Variants in RIC8B observed in about 807,000 individuals in gnomAD.
RIC8B encodes the protein RIC8 guanine nucleotide exchange factor B.
RIC8B carries 16 observed loss-of-function variants against 57.5 expected under a neutral mutation model. The observed-to-expected ratio is 0.28, with a 90% CI of 0.19 to 0.42. RIC8B has a LOEUF of 0.42. Among genes scored for constraint, RIC8B ranks in the 10% least tolerant of loss-of-function variants. RIC8B has a pLI of 1.00. For synonymous variants in RIC8B, 216 were observed against 250.8 expected, an observed-to-expected ratio of 0.86 and a Z score of 1.31; for missense variants, 481 against 677.0, an observed-to-expected ratio of 0.71 and a Z score of 3.21.
chr12:106,798,205 CG>C (rs1267879313), intron 2 of RIC8B: 6 of 491,428 alleles, frequency 1.2e-5, no homozygotes, highest in African/African-American at 1.2e-4. Flanking sequence ...TTCCTTTTCT[CG>C]GTAGCTGGCT....
intron 8 of RIC8B, among the ~76,000 whole-genome samples, chr12:106,863,080 C>A (rs1950005717): frequency 6.6e-6 from 1 of 152,060 alleles, no homozygotes; most frequent in Non-Finnish European, 1.5e-5. Context: ...GAATGGAGGT[C>A]CCTTGACTGT....
chr12:106,826,758 AAATTAATT>A lies in RIC8B; in HGVS notation c.836+947_836+954del, dbSNP rs72237391. Among the ~76,000 whole-genome samples, 23 of 152,182 alleles carry A rather than the reference AAATTAATT, an allele frequency of 1.5e-4. No individual in the cohort carries two copies. In the East Asian group the frequency reaches 4.3e-3, roughly 28 times the overall value. The stretch of plus-strand genomic sequence containing the variant: ...CAACAGAGTGAGACTCCATCTCAAA[AAATTAATT>A]AATTAATTTTAAAAGTAAATAAAAT... On this transcript the variant is annotated intron_variant, in intron 4 of 9. Transcript: ENST00000392837.
intron 2 of RIC8B, chr12:106,797,882 A>G (rs1003000418): frequency 4.5e-6 from 2 of 444,808 alleles, no homozygotes; most frequent in African/African-American, 4.1e-5. Context: ...GCCTGGCTCC[A>G]AGACCCGTGT....
intron 1 of RIC8B, among the ~76,000 whole-genome samples, chr12:106,780,800 A>C (rs759057799): frequency 3.3e-4 from 50 of 152,354 alleles, no homozygotes; most frequent in Middle Eastern, 6.8e-3. Context: ...CTAGCTCTCT[A>C]ATAGGTCAAT....
At chr12:106,793,353 C>G (rs1193637966) in intron 2 of RIC8B, among the ~76,000 whole-genome samples, 4 of 152,156 alleles carry the variant, frequency 2.6e-5, no homozygotes, top group Non-Finnish European at 4.4e-5. Context: ...CTGAATGTCT[C>G]CTCAAAGGAA....
intron 1 of RIC8B, among the ~76,000 whole-genome samples, chr12:106,778,066 G>A (rs1421715756): frequency 6.6e-6 from 1 of 152,172 alleles, no homozygotes. Context: ...CATGTGTAAA[G>A]CACACAGAAC....
intron 3 of RIC8B, among the ~76,000 whole-genome samples, chr12:106,820,678 A>G (rs957067177): frequency 6.6e-6 from 1 of 152,226 alleles, no homozygotes; most frequent in Admixed American, 6.5e-5. Context: ...AAGTACAAGT[A>G]TCTGAGTAGT....
rs905035648 is a variant in RIC8B at position 106,832,543 on chromosome 12, G to A, written c.836+6723G>A. Among the ~76,000 whole-genome samples, 3 of 150,810 alleles carry A rather than the reference G, an allele frequency of 2.0e-5. No homozygotes were observed. The East Asian group carries it at 5.8e-4, about 29-fold the overall frequency. On this transcript the variant is annotated intron_variant, in intron 4 of 9. Transcript: ENST00000392837. ...GATGGGGCCACTGCACTCCAGCCTG[G>A]GAGACAGAGCAAGACTCTGTATGAA...
intron 3 of RIC8B, among the ~76,000 whole-genome samples, chr12:106,824,326 A>C (rs566655109): frequency 3.3e-5 from 5 of 152,280 alleles, no homozygotes; most frequent in Non-Finnish European, 5.9e-5. Context: ...CGACTTGTCT[A>C]AAGTGCCAAT....
chr12:106,800,013 C>T (rs1290374738), intron 2 of RIC8B, among the ~76,000 whole-genome samples: 2 of 152,104 alleles, frequency 1.3e-5, no homozygotes, highest in Admixed American at 6.5e-5. Flanking sequence ...TGAGCAGCTG[C>T]CATGTCACTG....
chr12:106,866,710 T>G (rs765260058), intron 8 of RIC8B, among the ~76,000 whole-genome samples: 46 of 152,346 alleles, frequency 3.0e-4, no homozygotes, highest in Non-Finnish European at 6.5e-4. Flanking sequence ...ATTTAATTAC[T>G]TAGCAACATT....
chr12:106,877,410 G>A (rs953591087), intron 9 of RIC8B, among the ~76,000 whole-genome samples: 2 of 152,096 alleles, frequency 1.3e-5, no homozygotes, highest in South Asian at 2.1e-4. Flanking sequence ...TGAAAAGCAC[G>A]AAAGACAGAT....
intron 4 of RIC8B, among the ~76,000 whole-genome samples, chr12:106,830,868 A>G (rs1205993690): frequency 1.3e-5 from 2 of 152,208 alleles, no homozygotes; most frequent in African/African-American, 4.8e-5. Context: ...AGGGATAGAG[A>G]GATATCACAG....
chr12:106,839,754 G>A (rs750352962), intron 4 of RIC8B, among the ~76,000 whole-genome samples: 1 of 152,220 alleles, frequency 6.6e-6, no homozygotes, highest in Non-Finnish European at 1.5e-5. Flanking sequence ...AGTGGCTCAC[G>A]CCTGTAATTC....
intron 2 of RIC8B, among the ~76,000 whole-genome samples, chr12:106,787,907 G>A (rs2044106779): frequency 6.6e-6 from 1 of 152,080 alleles, no homozygotes; most frequent in African/African-American, 2.4e-5. Flanking sequence ...AACCAATTAT[G>A]CCTTTCCAAC....
At chr12:106,822,104 A>AG (rs1388421593) in intron 3 of RIC8B, among the ~76,000 whole-genome samples, 2 of 146,338 alleles carry the variant, frequency 1.4e-5, no homozygotes, top group Non-Finnish European at 3.0e-5. Context: ...AAAAAAAAGA[A>AG]GAAAAAAAAA....
At chr12:106,813,953 A>C (rs2045455804) in intron 2 of RIC8B, among the ~76,000 whole-genome samples, 2 of 152,112 alleles carry the variant, frequency 1.3e-5, no homozygotes, top group Non-Finnish European at 2.9e-5. Context: ...GAAATATAAG[A>C]TATTTGGGTT....
chr12:106,860,219 T>C, intron 7 of RIC8B, 49 bp from the exon 8 acceptor site: 1 of 1,450,816 alleles, frequency 6.9e-7, no homozygotes, highest in Non-Finnish European at 9.2e-7. Flanking sequence ...TTGATGATGA[T>C]GGTGAAGACC....
intron 3 of RIC8B, among the ~76,000 whole-genome samples, chr12:106,819,563 G>A (rs1182468961): frequency 6.6e-6 from 1 of 151,740 alleles, no homozygotes; most frequent in Non-Finnish European, 1.5e-5. Context: ...ACCAGCCTGG[G>A]CAACATAGTG....
Sources: gnomAD v4.1 joint callset for allele counts (sites outside exome capture counted in the v4.1 genomes callset) on GRCh38, gnomAD v4.1.1 for gene constraint, MANE v1.5 for transcripts, NCBI Gene and HGNC (gene_info 2026-07-23, HGNC 2026-07-21) for gene names.